The following FBXO34 variants were observed in gnomAD, a reference collection of about 807,000 sequenced individuals.
The protein encoded by FBXO34 is F-box only protein 34.
In FBXO34, 12 loss-of-function variants were observed where a neutral mutation model predicts 24.5. The ratio of observed to expected loss-of-function variants is 0.49; its 90% CI spans 0.31 to 0.79. The LOEUF is 0.79. FBXO34 is among the 30% of genes least tolerant of loss of function. The probability of loss-of-function intolerance (pLI) is 0.04; values close to 1 mark genes in which losing one functional copy is unlikely to be tolerated. For missense variants in FBXO34, 823 were observed against 857.7 expected, an observed-to-expected ratio of 0.96 and a Z score of 0.51; for synonymous variants, 320 against 311.9, an observed-to-expected ratio of 1.03 and a Z score of -0.27.
intron 1 of FBXO34, among the ~76,000 whole-genome samples, chr14:55,313,829 T>A (rs1882834395): frequency 6.6e-6 from 1 of 152,122 alleles, no homozygotes; most frequent in Non-Finnish European, 1.5e-5. Flanking sequence ...TCCCTTGACA[T>A]GCGGAGATTA....
the FBXO34 span, among the ~76,000 whole-genome samples, chr14:55,383,715 C>A: frequency 4.6e-5 from 7 of 152,004 alleles, no homozygotes; most frequent in African/African-American, 1.2e-4. Flanking sequence ...TATAATCATA[C>A]CATTGCACTC....
the FBXO34 span, among the ~76,000 whole-genome samples, chr14:55,396,334 A>T: frequency 6.6e-6 from 1 of 152,260 alleles, no homozygotes; most frequent in Non-Finnish European, 1.5e-5. Context: ...GAAATGATAC[A>T]TGCCAGCATC....
chr14:55,307,777 A>G (rs1882603255), intron 1 of FBXO34, among the ~76,000 whole-genome samples: 1 of 152,210 alleles, frequency 6.6e-6, no homozygotes, highest in South Asian at 2.1e-4. Flanking sequence ...TCTAAATTAT[A>G]TATTTGTCAT....
intron 1 of FBXO34, among the ~76,000 whole-genome samples, chr14:55,284,292 TC>T (rs1881675696): frequency 6.6e-6 from 1 of 152,114 alleles, no homozygotes; most frequent in Non-Finnish European, 1.5e-5. Flanking sequence ...TGCTCATAGA[TC>T]ACCTGAGGTC....
the FBXO34 span, chr14:55,440,605 C>G: frequency 6.7e-7 from 1 of 1,500,606 alleles, no homozygotes; most frequent in Admixed American, 2.3e-5. Context: ...GCAGAGGGCG[C>G]GAGAGAAGCG....
the FBXO34 span, among the ~76,000 whole-genome samples, chr14:55,409,504 A>G: frequency 0.037 from 5,621 of 152,228 alleles, 344 homozygotes; most frequent in African/African-American, 0.13. Context: ...TTAAATACGC[A>G]TGAGGTTAGC....
chr14:55,394,921 G>C, the FBXO34 span: 2 of 378,578 alleles, frequency 5.3e-6, no homozygotes, highest in South Asian at 2.1e-5. Context: ...GTACCAAAAA[G>C]TAAACAACCA....
At chr14:55,431,383 A>G in the FBXO34 span, among the ~76,000 whole-genome samples, 1 of 152,248 alleles carries the variant, frequency 6.6e-6, no homozygotes, top group Non-Finnish European at 1.5e-5. Flanking sequence ...TGAAAGTTGG[A>G]TAACAAACAC....
intron 1 of FBXO34, among the ~76,000 whole-genome samples, chr14:55,327,090 A>G (rs1020974104): frequency 6.6e-6 from 1 of 152,202 alleles, no homozygotes; most frequent in Non-Finnish European, 1.5e-5. Flanking sequence ...GGGGAATAGT[A>G]CTATATGAGG....
chr14:55,362,205 C>T (rs550618518), downstream of FBXO34, among the ~76,000 whole-genome samples: 2 of 152,132 alleles, frequency 1.3e-5, 1 homozygote, highest in African/African-American at 4.8e-5. Context: ...TAAGGAGGCC[C>T]GAAGAGAGGG....
the FBXO34 span, chr14:55,424,179 G>T: frequency 1.2e-6 from 2 of 1,612,928 alleles, no homozygotes; most frequent in Non-Finnish European, 8.5e-7. Context: ...AACTTTTCCA[G>T]ATACAAAGAT....
intron 1 of FBXO34, among the ~76,000 whole-genome samples, chr14:55,278,052 C>T (rs1451785224): frequency 6.6e-6 from 1 of 152,112 alleles, no homozygotes; most frequent in Non-Finnish European, 1.5e-5. Flanking sequence ...AGAACCATGT[C>T]GTTGAATCAG....
At chr14:55,336,509 C>T (rs980369304) in intron 1 of FBXO34, among the ~76,000 whole-genome samples, 2 of 151,926 alleles carry the variant, frequency 1.3e-5, no homozygotes, top group African/African-American at 2.4e-5. Flanking sequence ...TTTTAAGGCT[C>T]ATTCATCCAG....
the FBXO34 span, among the ~76,000 whole-genome samples, chr14:55,442,119 TG>T: frequency 6.6e-6 from 1 of 151,468 alleles, no homozygotes; most frequent in Non-Finnish European, 1.5e-5. Context: ...CCGGGTGTGG[TG>T]GGTCATGTCT....
the FBXO34 span, chr14:55,390,766 G>T: frequency 1.6e-6 from 1 of 613,980 alleles, no homozygotes. Context: ...TGTTTTACAA[G>T]GAAAGATGAG....
intron 1 of FBXO34, among the ~76,000 whole-genome samples, chr14:55,277,856 C>T (rs1324088025): frequency 1.3e-5 from 2 of 152,046 alleles, no homozygotes; most frequent in Non-Finnish European, 2.9e-5. Flanking sequence ...TTTACTTTGG[C>T]TTATTCAGGA....
chr14:55,440,003 G>A, the FBXO34 span, among the ~76,000 whole-genome samples: 3 of 151,052 alleles, frequency 2.0e-5, no homozygotes, highest in African/African-American at 7.3e-5. Flanking sequence ...GGGAGGCTGA[G>A]GCACGAGAAT....
chr14:55,282,531 C>A, intron 1 of FBXO34: 1 of 228,572 alleles, frequency 4.4e-6, no homozygotes, highest in Non-Finnish European at 9.2e-6. Flanking sequence ...TTGTGCCTTT[C>A]CCAACCTTCT....
Position 55,338,921 on chromosome 14 carries a change from C to CA in FBXO34, c.-10-11448dup, listed in dbSNP as rs59912336. Among the ~76,000 whole-genome samples, 519 of 134,600 alleles carry CA rather than the reference C, an allele frequency of 3.9e-3. 4 individuals are homozygous for CA. The highest frequency in any genetic ancestry group is 4.1e-3 in the Non-Finnish European group (256 of 62,216). 88.3% of individuals were successfully genotyped at this position (134,600 alleles called of 152,430 possible). A position where few individuals can be genotyped will look rare whatever the true frequency, so the allele number is the denominator to read the frequency against. On this transcript the variant is annotated intron_variant, in intron 1 of 1. Transcript: ENST00000313833. Reference sequence around the variant, plus strand: ...ACTCCATCTCAAAAACAAAAAAAAACAAAAAAAAAAAAGCCAAAAAAAACC... The same window carrying CA: ...ACTCCATCTCAAAAACAAAAAAAAACAAAAAAAAAAAAAGCCAAAAAAAACC...
Sources: allele counts gnomAD v4.1 joint callset (sites outside exome capture counted in the v4.1 genomes callset), GRCh38; gene constraint gnomAD v4.1.1; transcripts MANE v1.5; gene names NCBI Gene and HGNC (gene_info 2026-07-23, HGNC 2026-07-21).